Variants in ARIH1 observed in about 807,000 individuals in gnomAD.
The protein encoded by ARIH1 is ariadne RBR E3 ubiquitin protein ligase 1.
In ARIH1, 8 loss-of-function variants were observed where a neutral mutation model predicts 85.0. The observed-to-expected ratio is 0.09, with a 90% CI of 0.06 to 0.17. The LOEUF (loss-of-function observed/expected upper bound fraction) is 0.17, where lower values mean the gene tolerates loss of function less well. ARIH1 is among the 10% of genes least tolerant of loss of function. The pLI, the probability that ARIH1 is intolerant of heterozygous loss-of-function variation, is 1.00. For synonymous variants in ARIH1, 238 were observed against 253.6 expected (o/e 0.94, Z 0.59); for missense variants, 311 against 718.1 (o/e 0.43, Z 6.48).
At chr15:72,572,189 A>G (rs200137135) in intron 11 of ARIH1, 24 bp downstream of exon 11, 281 of 1,521,596 alleles carry the variant, frequency 1.8e-4, no homozygotes, top group Non-Finnish European at 2.4e-4. Context: ...TAACAGGACA[A>G]TAGTTGACTA....
chr15:72,489,448 C>T (rs2063850274), intron 1 of ARIH1, among the ~76,000 whole-genome samples: 1 of 152,096 alleles, frequency 6.6e-6, no homozygotes, highest in African/African-American at 2.4e-5. Context: ...ATCAGTGGCA[C>T]CAAAGTATGC....
chr15:72,577,759 G>A (rs933933548), intron 11 of ARIH1, among the ~76,000 whole-genome samples: 1 of 152,078 alleles, frequency 6.6e-6, no homozygotes, highest in Non-Finnish European at 1.5e-5. Flanking sequence ...ATACAGGAGG[G>A]CTTGGTTTTG....
intron 6 of ARIH1, 63 bp from the exon 7 acceptor site, chr15:72,563,330 AT>A (rs1567357163): frequency 2.1e-6 from 3 of 1,433,652 alleles, no homozygotes; most frequent in Admixed American, 1.7e-5. Context: ...AAGTTCTGGG[AT>A]TATAGGTGTG....
rs1444071215 is a variant in ARIH1, at chr15:72,583,741, C to T, written c.*449C>T. 1.3e-5 allele frequency: 2 copies of T among 153,150 alleles called. No homozygotes were observed. The highest frequency in any genetic ancestry group is 2.9e-5 in the Non-Finnish European group (2 of 68,736). 9.5% of individuals were successfully genotyped at this position (153,150 alleles called of 1,614,324 possible). ...ACAGATACACCCACACACAGACTGA[C>T]TCTCTTTCTCTCATACCCCAAGGTC... On this transcript the variant is annotated 3_prime_UTR_variant, in exon 14 of 14. Transcript: ENST00000379887.
At chr15:72,515,248 A>C (rs2063970000) in intron 1 of ARIH1, among the ~76,000 whole-genome samples, 1 of 152,128 alleles carries the variant, frequency 6.6e-6, no homozygotes, top group Admixed American at 6.5e-5. Flanking sequence ...GAGGCAGGAG[A>C]ATTGCTTGAA....
intron 11 of ARIH1, among the ~76,000 whole-genome samples, chr15:72,573,292 GGCT>G (rs1383706876): frequency 6.6e-6 from 1 of 152,166 alleles, no homozygotes; most frequent in African/African-American, 2.4e-5. Flanking sequence ...CGGGCTTGGT[GGCT>G]CACACCTGTA....
intron 1 of ARIH1, among the ~76,000 whole-genome samples, chr15:72,495,487 A>T (rs2063876291): frequency 6.6e-6 from 1 of 152,154 alleles, no homozygotes; most frequent in African/African-American, 2.4e-5. Flanking sequence ...ATGTCTCTTT[A>T]TTTGTCCATG....
rs893085224 is a variant in ARIH1 at position 72,594,726 on chromosome 15, G to A, written c.*11434G>A. ...TCTAGAAATAGTTCTTGTAGACTCCGTAGAGTTTTATATTAAATAGATACA... is the reference window on the plus strand; with the variant it reads ...TCTAGAAATAGTTCTTGTAGACTCCATAGAGTTTTATATTAAATAGATACA... On this transcript the variant is annotated 3_prime_UTR_variant, in exon 14 of 14. Transcript: ENST00000379887. 24 of 150,548 alleles carry A rather than the reference G, an allele frequency of 1.6e-4. No individual in the cohort carries two copies. The highest frequency in any genetic ancestry group is 8.8e-5 in the Non-Finnish European group (6 of 67,896). 9.3% of individuals were successfully genotyped at this position (150,548 alleles called of 1,614,324 possible). A position where few individuals can be genotyped will look rare whatever the true frequency, so the allele number is the denominator to read the frequency against.
rs367579662 is a variant in ARIH1, at chr15:72,597,454, G to A, written c.*14162G>A. 1.4e-5 allele frequency: 2 copies of A among 143,678 alleles called. No homozygotes were observed. The highest frequency in any genetic ancestry group is 3.9e-4 in the East Asian group (2 of 5,136). 8.9% of individuals were successfully genotyped at this position (143,678 alleles called of 1,614,324 possible). On this transcript the variant is annotated 3_prime_UTR_variant, in exon 14 of 14. Transcript: ENST00000379887. The stretch of plus-strand genomic sequence containing the variant: ...GATTTTTTTTTTTAATCAATGGGCT[G>A]GGGATAGGAGGATCTTTCTCAGCTC...
intron 1 of ARIH1, among the ~76,000 whole-genome samples, chr15:72,485,556 T>A (rs1461856995): frequency 6.6e-6 from 1 of 152,130 alleles, no homozygotes; most frequent in East Asian, 1.9e-4. Context: ...GAAAATCTAC[T>A]TCCGTATTAG....
intron 1 of ARIH1, among the ~76,000 whole-genome samples, chr15:72,517,266 G>A (rs1301211156): frequency 2.6e-5 from 4 of 152,006 alleles, no homozygotes; most frequent in Admixed American, 2.6e-4. Flanking sequence ...AGTGTATAAG[G>A]TATTAAATTA....
At chr15:72,532,262 A>G (rs1012392311) in intron 2 of ARIH1, among the ~76,000 whole-genome samples, 3 of 152,026 alleles carry the variant, frequency 2.0e-5, no homozygotes, top group African/African-American at 7.2e-5. Flanking sequence ...AAAACAGAGT[A>G]TCACTAGGAT....
chr15:72,535,019 C>T (rs1161854060), intron 2 of ARIH1, among the ~76,000 whole-genome samples: 2 of 124,312 alleles, frequency 1.6e-5, no homozygotes, highest in African/African-American at 2.6e-5. Flanking sequence ...GGCGCAATCT[C>T]GGCTCACTGC....
chr15:72,572,078 CT>C, intron 10 of ARIH1, 29 bp from the exon 11 acceptor site: 1 of 1,262,592 alleles, frequency 7.9e-7, no homozygotes, highest in Non-Finnish European at 1.1e-6. Flanking sequence ...TTTTTTTTTT[CT>C]TTATGGAATC....
intron 1 of ARIH1, among the ~76,000 whole-genome samples, chr15:72,479,789 C>T (rs1010152097): frequency 6.6e-6 from 1 of 151,792 alleles, no homozygotes; most frequent in Non-Finnish European, 1.5e-5. Context: ...CTGTATTTCA[C>T]TTATTTAATT....
chr15:72,526,757 G>A (rs1018803855), intron 2 of ARIH1, among the ~76,000 whole-genome samples: 6 of 151,964 alleles, frequency 3.9e-5, no homozygotes, highest in African/African-American at 9.7e-5. Flanking sequence ...GGCAAAGGTC[G>A]GAGCTGGTGG....
chr15:72,569,945 T>G (rs977354871), intron 9 of ARIH1, among the ~76,000 whole-genome samples: 2 of 152,110 alleles, frequency 1.3e-5, no homozygotes, highest in African/African-American at 4.8e-5. Flanking sequence ...TTTCTAAGTT[T>G]AAAAAAACAA....
chr15:72,507,978 C>G (rs1288649917), intron 1 of ARIH1, among the ~76,000 whole-genome samples: 3 of 152,132 alleles, frequency 2.0e-5, no homozygotes, highest in African/African-American at 7.2e-5. Flanking sequence ...AGCAGTAGTT[C>G]CCAGTTCTGT....
intron 3 of ARIH1, among the ~76,000 whole-genome samples, chr15:72,547,284 G>A (rs555411942): frequency 2.6e-5 from 4 of 150,966 alleles, no homozygotes; most frequent in African/African-American, 9.7e-5. Flanking sequence ...CCAGACTGGA[G>A]TGCAATGGCA....
Sources: allele counts gnomAD v4.1 joint callset (sites outside exome capture counted in the v4.1 genomes callset), GRCh38; gene constraint gnomAD v4.1.1; transcripts MANE v1.5; gene names NCBI Gene and HGNC (gene_info 2026-07-23, HGNC 2026-07-21).